The following NCBP1 variants were observed in gnomAD, a reference collection of about 807,000 sequenced individuals.
The protein encoded by NCBP1 is nuclear cap-binding protein subunit 1.
In NCBP1, 16 loss-of-function variants were observed where a neutral mutation model predicts 111.7. The ratio of observed to expected loss-of-function variants is 0.14; its 90% CI spans 0.10 to 0.22. The LOEUF (loss-of-function observed/expected upper bound fraction) is 0.22, where lower values mean the gene tolerates loss of function less well. NCBP1 is among the 10% of genes least tolerant of loss of function. NCBP1 has a pLI of 1.00. For synonymous variants in NCBP1, 304 were observed against 314.3 expected, an observed-to-expected ratio of 0.97 and a Z score of 0.35; for missense variants, 607 against 957.5, an observed-to-expected ratio of 0.63 and a Z score of 4.83.
In NCBP1 at chr9:97,671,976, T is replaced by G. The variant is rs951279336; in HGVS notation, c.*777T>G. 3 of 152,198 alleles carry G rather than the reference T, an allele frequency of 2.0e-5. No individual in the cohort carries two copies. The highest frequency in any genetic ancestry group is 7.2e-5 in the African/African-American group (3 of 41,440). The allele number at this position is 152,198 out of a possible 1,614,324, so 9.4% of individuals were successfully genotyped here. On this transcript the variant is annotated 3_prime_UTR_variant, in exon 23 of 23. Transcript: ENST00000375147. ...CTTCCTCTAGCCTTGGGGTTATTTG[T>G]CCAAGGTCTTGTAGTGAGTTACAGA...
intron 16 of NCBP1, among the ~76,000 whole-genome samples, chr9:97,661,516 C>T (rs988758592): frequency 6.6e-6 from 1 of 152,138 alleles, no homozygotes; most frequent in Non-Finnish European, 1.5e-5. Context: ...ATAATTTATA[C>T]AGTTGCCTGA....
rs1022175906 is a variant in NCBP1, at chr9:97,647,913, C to CTT, written c.682-92_682-91dup. 3.8e-5 allele frequency: 41 copies of CTT among 1,087,290 alleles called. No homozygotes were observed. In the African/African-American group the frequency reaches 6.6e-4, roughly 17 times the overall value. The allele number at this position is 1,087,290 out of a possible 1,614,324, so 67.4% of individuals were successfully genotyped here. ...TTGTACCATCTTACAAGTTAGCTTA[C>CTT]TTTTGTATCCTGTATTTTAAAGGGT... On this transcript the variant is annotated intron_variant, in intron 7 of 22. Transcript: ENST00000375147.
intron 8 of NCBP1, among the ~76,000 whole-genome samples, chr9:97,649,491 A>G (rs756115034): frequency 1.2e-4 from 18 of 152,086 alleles, no homozygotes; most frequent in Admixed American, 2.0e-4. Context: ...AGTTTCTTCT[A>G]TTGTCTCTTT....
chr9:97,669,511 T>G, intron 21 of NCBP1, 82 bp from the exon 22 acceptor site: 3 of 887,944 alleles, frequency 3.4e-6, no homozygotes, highest in Non-Finnish European at 5.5e-6. Context: ...AGGCAATACT[T>G]TGGGGTTTCT....
intron 1 of NCBP1, among the ~76,000 whole-genome samples, chr9:97,637,304 AAATCTTAACT>A (rs1301548380): frequency 6.6e-6 from 1 of 152,238 alleles, no homozygotes; most frequent in Admixed American, 6.5e-5. Flanking sequence ...GTCCAGTGCT[AAATCTTAACT>A]AATTGCTTAG....
At chr9:97,641,723 T>C (rs758103785) in intron 3 of NCBP1, 61 bp downstream of exon 3, 5 of 1,424,198 alleles carry the variant, frequency 3.5e-6, no homozygotes, top group Non-Finnish European at 3.8e-6. Context: ...TTAAATGCTT[T>C]GGGAAATGTT....
At chr9:97,666,716 G>T (rs774876178) in intron 19 of NCBP1, 47 bp from the exon 20 acceptor site, 1 of 1,260,732 alleles carries the variant, frequency 7.9e-7, no homozygotes, top group Admixed American at 2.4e-5. Flanking sequence ...TTTATTTTCT[G>T]TAACCATAGC....
intron 5 of NCBP1, 57 bp downstream of exon 5, chr9:97,645,281 G>A (rs1024237252): frequency 1.5e-6 from 2 of 1,332,284 alleles, no homozygotes; most frequent in Non-Finnish European, 2.2e-6. Flanking sequence ...ACTGAATCCT[G>A]GTACTTCCAT....
At chr9:97,639,667 T>C (rs1827149423) in intron 1 of NCBP1, among the ~76,000 whole-genome samples, 2 of 152,252 alleles carry the variant, frequency 1.3e-5, no homozygotes, top group South Asian at 2.1e-4. Context: ...AAGTCGAAAA[T>C]TGGATTGTAT....
At chr9:97,645,342 T>A in intron 5 of NCBP1, 118 bp downstream of exon 5, 2 of 838,994 alleles carry the variant, frequency 2.4e-6, no homozygotes, top group East Asian at 5.1e-5. Context: ...AAGAAAAAAA[T>A]AACAGCAGAC....
At chr9:97,656,201 C>A in intron 14 of NCBP1, 116 bp downstream of exon 14, 1 of 850,822 alleles carries the variant, frequency 1.2e-6, no homozygotes, top group Non-Finnish European at 1.8e-6. Flanking sequence ...CATCTTCCAT[C>A]CCATTTTTAA....
chr9:97,669,782 A>G, intron 22 of NCBP1, 76 bp downstream of exon 22: 2 of 1,093,486 alleles, frequency 1.8e-6, no homozygotes, highest in Non-Finnish European at 2.8e-6. Context: ...AATCCTTGTC[A>G]AATTTGTTAG....
At chr9:97,638,136 G>T (rs188722524) in intron 1 of NCBP1, among the ~76,000 whole-genome samples, 18 of 152,172 alleles carry the variant, frequency 1.2e-4, no homozygotes, top group Admixed American at 7.2e-4. Context: ...CCTTACCCAG[G>T]TTGTCTTATG....
intron 1 of NCBP1, among the ~76,000 whole-genome samples, chr9:97,636,240 C>T (rs1354435633): frequency 6.6e-6 from 1 of 151,968 alleles, no homozygotes; most frequent in Non-Finnish European, 1.5e-5. Context: ...ATTTTGGATG[C>T]TTTCCTTTTA....
chr9:97,650,139 A>G (rs1458400612), intron 8 of NCBP1, among the ~76,000 whole-genome samples: 4 of 152,170 alleles, frequency 2.6e-5, no homozygotes, highest in African/African-American at 9.7e-5. Context: ...TGGTGTTTGA[A>G]TAGAATTTTC....
chr9:97,636,975 A>G (rs541523506), intron 1 of NCBP1, among the ~76,000 whole-genome samples: 1 of 152,202 alleles, frequency 6.6e-6, no homozygotes, highest in South Asian at 2.1e-4. Context: ...TGTATGGGGA[A>G]AAGCTGTGAT....
chr9:97,658,733 T>C lies in NCBP1; in HGVS notation c.1467T>C (p.Asp489=), dbSNP rs1380865282. 1 of 1,602,680 alleles carries C rather than the reference T, an allele frequency of 6.2e-7. No homozygotes were observed. Among genetic ancestry groups the C allele is most frequent in the Admixed American group, 1.7e-5 (1 of 60,006 alleles). Residue 489 remains aspartate, a synonymous_variant, in exon 15 of 23, where the codon GAT becomes GAC. Coordinates refer to ENST00000375147, the MANE Select transcript of NCBP1 (RefSeq NM_002486.5). The stretch of plus-strand genomic sequence containing the variant: ...CAACCTGCATTTACAAGTATGGAGA[T>C]GAAAGTAGCAGTAAGTAATGAAACT... ...ANPTCIYKYG[D]ESSNSLPGHS... is the part of the protein sequence containing the mutation.
chr9:97,662,046 A>G lies in NCBP1; in HGVS notation c.1605A>G (p.Glu535=). The part of the protein sequence containing the change: ...PNPNQDDDDD[E]GFSFNPLKIE... ...TTACTATAAAATATTTTTCAGATGA[A>G]GGATTCAGTTTTAACCCATTGAAAA... The change falls in exon 17 of 23, where the codon GAA becomes GAG. Residue 535 remains glutamate, a synonymous_variant. Transcript: ENST00000375147. The G allele has an allele frequency of 6.2e-7, 1 of 1,609,700 alleles. No homozygotes were observed. The highest frequency in any genetic ancestry group is 1.1e-5 in the South Asian group (1 of 90,576).
In NCBP1 at chr9:97,648,173, C is replaced by A. The variant is rs1276142130; in HGVS notation, c.847C>A (p.Pro283Thr). The A allele has an allele frequency of 6.2e-7, 1 of 1,614,114 alleles. No homozygotes were observed. Among genetic ancestry groups the A allele is most frequent in the East Asian group, 2.2e-5 (1 of 44,878 alleles). ...PPPHTEDSVY[P>T]MPRVIFRMFD... ...TCCTCACACTGAAGATTCAGTGTAC[C>A]CAATGCCAAGGGTCATCTTCAGAAT... The change falls in exon 8 of 23, where the codon CCA (proline) becomes ACA (threonine). Residue 283 changes from proline (P) to threonine (T), a missense_variant. Physicochemically the swap from Pro to Thr is conservative, Grantham distance 38. Coordinates refer to ENST00000375147, the MANE Select transcript of NCBP1 (RefSeq NM_002486.5).
Sources: gnomAD v4.1 joint callset for allele counts (sites outside exome capture counted in the v4.1 genomes callset) on GRCh38, gnomAD v4.1.1 for gene constraint, MANE v1.5 for transcripts, NCBI Gene and HGNC (gene_info 2026-07-23, HGNC 2026-07-21) for gene names.